FEZ2: variants seen among roughly 807,000 people sequenced by gnomAD.
The protein encoded by FEZ2 is fasciculation and elongation protein zeta-2.
A neutral mutation model predicts 40.4 loss-of-function variants in FEZ2; 51 were observed. That is an observed-to-expected ratio of 1.26 (90% CI 1.01 to 1.59). The LOEUF (loss-of-function observed/expected upper bound fraction) is 1.59. Ranked by LOEUF, FEZ2 falls within the 40% of genes most tolerant of loss-of-function variation. FEZ2 has a pLI of 0.00. For synonymous variants in FEZ2, 242 were observed against 172.0 expected (o/e 1.41, Z -3.18); for missense variants, 640 against 438.3 (o/e 1.46, Z -4.11).
chr2:36,590,668 T>C (rs1170167302), intron 2 of FEZ2: 1 of 412,212 alleles, frequency 2.4e-6, no homozygotes, highest in African/African-American at 2.1e-5. Flanking sequence ...AAAAAAAAAA[T>C]TGTGATGGAA....
In FEZ2 at chr2:36,553,719, T is replaced by C. The variant is rs372978661; in HGVS notation, c.1046-540A>G. On this transcript the variant is annotated intron_variant, in intron 7 of 7. Coordinates refer to ENST00000405912, the MANE Select transcript of FEZ2 (RefSeq NM_005102.3). ...TTCTCAGGCCAAATGAGACCACTTTTCTACCTTCTTTCACTTCTGACATTT... is the reference window on the plus strand; with the variant it reads ...TTCTCAGGCCAAATGAGACCACTTTCCTACCTTCTTTCACTTCTGACATTT... Among the ~76,000 whole-genome samples, 9 of 152,306 alleles carry C rather than the reference T, an allele frequency of 5.9e-5. No individual in the cohort carries two copies. The East Asian group carries it at 1.5e-3, about 26-fold the overall frequency.
rs1010377496 is a variant in FEZ2, at chr2:36,597,900, C to A, written c.243G>T (p.Glu81Asp). 24 of 1,395,888 alleles carry A rather than the reference C, an allele frequency of 1.7e-5. No homozygotes were observed. Among genetic ancestry groups the A allele is most frequent in the Middle Eastern group, 5.1e-4 (2 of 3,946 alleles). The allele number at this position is 1,395,888 out of a possible 1,614,324, so 86.5% of individuals were successfully genotyped here. ...ACTCGTCCCCCTGCAGGAGGCTGCG[C>A]TCCGTGATGGGCCGCACGGCCGTCC... ...PPRTAVRPIT[E>D]RSLLQGDEIW... Residue 81 changes from glutamate (E) to aspartate (D), a missense_variant, in exon 1 of 8, where the codon GAG becomes GAT. Transcript: ENST00000405912.
rs1243524735 is a variant in FEZ2 at position 36,581,160 on chromosome 2, C to A, written c.634+130G>T. 1.5e-5 allele frequency: 14 copies of A among 953,762 alleles called. No individual in the cohort carries two copies. In the African/African-American group the frequency reaches 1.5e-4, roughly 10 times the overall value. The allele number at this position is 953,762 out of a possible 1,614,324, so 59.1% of individuals were successfully genotyped here. On this transcript the variant is annotated intron_variant, in intron 4 of 7. Coordinates refer to ENST00000405912, the MANE Select transcript of FEZ2 (RefSeq NM_005102.3). ...TGAAATCCCGTCTCAACAACAACAA[C>A]AAAAATGTAAATTTGGACACAAACA...
chr2:36,557,608 A>G (rs1667989658), intron 6 of FEZ2: 1 of 152,156 alleles, frequency 6.6e-6, no homozygotes, highest in African/African-American at 2.4e-5. Flanking sequence ...AGCAAATTCA[A>G]TCCCTCCATT....
At chr2:36,596,334 G>T (rs935289231) in intron 1 of FEZ2, among the ~76,000 whole-genome samples, 1 of 152,140 alleles carries the variant, frequency 6.6e-6, no homozygotes, top group Non-Finnish European at 1.5e-5. Flanking sequence ...TTTCACAAAG[G>T]AAAGGAGACA....
In FEZ2 at chr2:36,579,981, A is replaced by T. The variant is rs570831084; in HGVS notation, c.635-1116T>A. On this transcript the variant is annotated intron_variant, in intron 4 of 7. Coordinates refer to ENST00000405912, the MANE Select transcript of FEZ2 (RefSeq NM_005102.3). ...GGTATTCTTATAAAATAGGGTGATC[A>T]GGACACAGTAGGAAGACCACGTGAA... Among the ~76,000 whole-genome samples the T allele has an allele frequency of 1.4e-4, 22 of 152,288 alleles. No individual in the cohort carries two copies. The South Asian group carries it at 4.4e-3, about 30-fold the overall frequency.
intron 1 of FEZ2, among the ~76,000 whole-genome samples, chr2:36,595,195 G>A (rs975437951): frequency 6.6e-6 from 1 of 152,196 alleles, no homozygotes; most frequent in Middle Eastern, 3.4e-3. Flanking sequence ...GGGTCGGGGA[G>A]GGCTTTGGGG....
chr2:36,554,071 C>G (rs1471198060), intron 7 of FEZ2: 1 of 344,358 alleles, frequency 2.9e-6, no homozygotes, highest in African/African-American at 2.2e-5. Flanking sequence ...TGCTGCTTTT[C>G]CACCCAGTCC....
At chr2:36,553,786 T>A (rs1373874175) in intron 7 of FEZ2, among the ~76,000 whole-genome samples, 2 of 152,090 alleles carry the variant, frequency 1.3e-5, no homozygotes, top group Admixed American at 6.5e-5. Flanking sequence ...CAAGCCACAC[T>A]CTCATCTGTG....
chr2:36,574,896 TC>T (rs1668517784), intron 5 of FEZ2, among the ~76,000 whole-genome samples: 1 of 152,128 alleles, frequency 6.6e-6, no homozygotes, highest in Admixed American at 6.5e-5. Context: ...GAGTTGCACT[TC>T]CCAAAGAGGT....
intron 5 of FEZ2, among the ~76,000 whole-genome samples, chr2:36,572,520 T>C (rs1317601550): frequency 6.6e-6 from 1 of 152,226 alleles, no homozygotes; most frequent in Non-Finnish European, 1.5e-5. Flanking sequence ...CAGGCATTAA[T>C]TATTTTAGGC....
Position 36,590,912 on chromosome 2 carries a change from T to C in FEZ2, c.366A>G (p.Ser122=). The change falls in exon 2 of 8, where the codon TCA becomes TCG. Residue 122 remains serine (S), a synonymous_variant. Coordinates refer to ENST00000405912, the MANE Select transcript of FEZ2 (RefSeq NM_005102.3). ...TCAATTCCTAACTTACCCCTTTTTC[T>C]GAGAGGTTCAGAGTAAGCAAGTGCA... The part of the protein sequence containing the change: ...RTLHLLTLNL[S]EKGVSDSLLF... 1.9e-6 allele frequency: 3 copies of C among 1,591,654 alleles called. No individual in the cohort carries two copies. The highest frequency in any genetic ancestry group is 2.6e-6 in the Non-Finnish European group (3 of 1,159,628).
chr2:36,573,694 T>C (rs1426219931), intron 5 of FEZ2, among the ~76,000 whole-genome samples: 2 of 152,210 alleles, frequency 1.3e-5, no homozygotes, highest in Non-Finnish European at 2.9e-5. Context: ...GTGTGGTACT[T>C]CAATATCACA....
At chr2:36,563,757 T>C (rs1051647147) in intron 5 of FEZ2, among the ~76,000 whole-genome samples, 3 of 152,192 alleles carry the variant, frequency 2.0e-5, no homozygotes, top group Non-Finnish European at 2.9e-5. Flanking sequence ...ACATCATTTA[T>C]TTGATCTGGA....
rs139881180 is a variant in FEZ2, at chr2:36,597,084, C to T, written c.266+793G>A. 3.0e-3 allele frequency among the ~76,000 whole-genome samples: 458 copies of T among 152,194 alleles called. 1 individual carries two copies. The highest frequency in any genetic ancestry group is 6.1e-3 in the Admixed American group (93 of 15,292). ...TGGTCTCCCCACCAGACCATGCGAT[C>T]GTTACCATCAGTAAGCAGGGCCCTT... On this transcript the variant is annotated intron_variant, in intron 1 of 7. Transcript: ENST00000405912.
At chr2:36,567,157 G>A (rs910525073) in intron 5 of FEZ2, among the ~76,000 whole-genome samples, 47 of 151,870 alleles carry the variant, frequency 3.1e-4, no homozygotes, top group African/African-American at 1.1e-3. Flanking sequence ...ATTTTTAAAC[G>A]TCTCATAAGC....
chr2:36,554,187 C>G, intron 7 of FEZ2: 1 of 471,066 alleles, frequency 2.1e-6, no homozygotes, highest in Non-Finnish European at 4.4e-6. Context: ...AGCCAGCGGC[C>G]CGAGCATGAG....
intron 5 of FEZ2, among the ~76,000 whole-genome samples, chr2:36,575,345 T>C (rs1353654732): frequency 6.6e-6 from 1 of 151,958 alleles, no homozygotes; most frequent in African/African-American, 2.4e-5. Context: ...CCACCACACC[T>C]GGCTAATTTT....
intron 5 of FEZ2, among the ~76,000 whole-genome samples, chr2:36,562,159 AC>A (rs1241538070): frequency 3.3e-5 from 5 of 152,240 alleles, no homozygotes; most frequent in African/African-American, 1.2e-4. Flanking sequence ...ACAAAAATGC[AC>A]AGCAATGATA....
Sources: allele counts gnomAD v4.1 joint callset (sites outside exome capture counted in the v4.1 genomes callset), GRCh38; gene constraint gnomAD v4.1.1; transcripts MANE v1.5; gene names NCBI Gene and HGNC (gene_info 2026-07-23, HGNC 2026-07-21).